Variants in KCNC2 observed in about 807,000 individuals in gnomAD.
KCNC2 encodes the protein potassium voltage-gated channel subfamily C member 2.
Under a neutral mutation model 44.5 loss-of-function variants are expected in KCNC2, and 21 were observed. The observed-to-expected ratio is 0.47, with a 90% confidence interval of 0.33 to 0.68. The LOEUF (loss-of-function observed/expected upper bound fraction) is 0.68, where lower values mean the gene tolerates loss of function less well. Among genes scored for constraint, KCNC2 ranks in the 30% least tolerant of loss-of-function variants. KCNC2 has a pLI of 0.01. For synonymous variants in KCNC2, 391 were observed against 339.1 expected (o/e 1.15, Z -1.68); for missense variants, 589 against 826.2 (o/e 0.71, Z 3.52).
At chr12:75,175,800 C>T (rs1034928694) in intron 2 of KCNC2, among the ~76,000 whole-genome samples, 5 of 152,010 alleles carry the variant, frequency 3.3e-5, no homozygotes, top group Admixed American at 2.6e-4. Context: ...GCAACCTATC[C>T]TAACTGAAAT....
chr12:75,057,158 G>A (rs1436111227), intron 2 of KCNC2, among the ~76,000 whole-genome samples: 1 of 151,938 alleles, frequency 6.6e-6, no homozygotes, highest in Non-Finnish European at 1.5e-5. Flanking sequence ...CCATTAAGTT[G>A]ATTTTATTAA....
chr12:75,067,968 T>C (rs1202073516), intron 2 of KCNC2, among the ~76,000 whole-genome samples: 1 of 152,194 alleles, frequency 6.6e-6, no homozygotes, highest in Non-Finnish European at 1.5e-5. Flanking sequence ...AAACTGCGTT[T>C]TTTGGAATGA....
intron 2 of KCNC2, among the ~76,000 whole-genome samples, chr12:75,055,493 A>C (rs1881643621): frequency 6.6e-6 from 1 of 152,086 alleles, no homozygotes; most frequent in Admixed American, 6.6e-5. Context: ...GATAAGACCA[A>C]AAACTCCTCC....
At chr12:75,071,067 C>T (rs554409880) in intron 2 of KCNC2, among the ~76,000 whole-genome samples, 2 of 152,054 alleles carry the variant, frequency 1.3e-5, no homozygotes, top group Non-Finnish European at 1.5e-5. Flanking sequence ...GCAGGATTGG[C>T]GTTGAAGCAT....
At chr12:75,070,888 A>T (rs1461803470) in intron 2 of KCNC2, among the ~76,000 whole-genome samples, 1 of 152,152 alleles carries the variant, frequency 6.6e-6, no homozygotes, top group Non-Finnish European at 1.5e-5. Context: ...TAGAAGAAAA[A>T]ATTGCACATT....
chr12:75,041,194 A>G lies in KCNC2; in HGVS notation c.*1911T>C, dbSNP rs1410709617. The G allele has an allele frequency of 6.3e-7, 1 of 1,595,964 alleles. No homozygotes were observed. Among genetic ancestry groups the G allele is most frequent in the Non-Finnish European group, 8.5e-7 (1 of 1,178,250 alleles). On this transcript the variant is annotated 3_prime_UTR_variant, in exon 5 of 5. Coordinates refer to ENST00000549446, the MANE Select transcript of KCNC2 (RefSeq NM_139137.4). Reference sequence around the variant, plus strand: ...CTCAGCAGTCAATAATCCATGATAAATTCTGTACAACACTGTAGTCAATAA... The same window carrying G: ...CTCAGCAGTCAATAATCCATGATAAGTTCTGTACAACACTGTAGTCAATAA...
Position 75,044,761 on chromosome 12 carries a change from T to C in KCNC2, c.1781-1520A>G, listed in dbSNP as rs908626617. On this transcript the variant is annotated intron_variant, in intron 4 of 4. Coordinates refer to ENST00000549446, the MANE Select transcript of KCNC2 (RefSeq NM_139137.4). ...GCAGACTAGTTGCTTTCTTAGAAAT[T>C]TTGTAGATAGAAATTTATGTCATCC... is the stretch of plus-strand genomic sequence containing the variant. The C allele has an allele frequency of 5.9e-5, 9 of 151,970 alleles. 1 individual carries two copies. Among genetic ancestry groups the C allele is most frequent in the Admixed American group, 5.3e-4 (8 of 15,196 alleles). The allele number at this position is 151,970 out of a possible 1,614,324, so 9.4% of individuals were successfully genotyped here. A position where few individuals can be genotyped will look rare whatever the true frequency, so the allele number is the denominator to read the frequency against.
At chr12:75,047,536 G>A (rs1032569032) in intron 4 of KCNC2, among the ~76,000 whole-genome samples, 1 of 151,918 alleles carries the variant, frequency 6.6e-6, no homozygotes, top group Non-Finnish European at 1.5e-5. Flanking sequence ...TTTTATTATT[G>A]GTCCTGAAGA....
chr12:75,166,610 A>G (rs1891471832), intron 2 of KCNC2, among the ~76,000 whole-genome samples: 1 of 151,342 alleles, frequency 6.6e-6, no homozygotes, highest in Non-Finnish European at 1.5e-5. Context: ...TATACAAACT[A>G]CATTCTGCGA....
chr12:75,163,083 T>G (rs923196994), intron 2 of KCNC2, among the ~76,000 whole-genome samples: 4 of 151,750 alleles, frequency 2.6e-5, no homozygotes, highest in African/African-American at 9.7e-5. Context: ...GAAGATGGCA[T>G]GCTCTATTTG....
At chr12:75,194,623 G>A (rs1374285270) in intron 2 of KCNC2, among the ~76,000 whole-genome samples, 1 of 152,178 alleles carries the variant, frequency 6.6e-6, no homozygotes, top group Non-Finnish European at 1.5e-5. Flanking sequence ...CTCAGAGAGA[G>A]AAATTAACTG....
chr12:75,100,483 T>C (rs1592868122), intron 2 of KCNC2, among the ~76,000 whole-genome samples: 1 of 151,984 alleles, frequency 6.6e-6, no homozygotes, highest in African/African-American at 2.4e-5. Flanking sequence ...AGGAAGAAAA[T>C]GTAATTTTCC....
intron 2 of KCNC2, among the ~76,000 whole-genome samples, chr12:75,193,683 T>C (rs1177009119): frequency 6.6e-6 from 1 of 152,108 alleles, no homozygotes; most frequent in Non-Finnish European, 1.5e-5. Flanking sequence ...CCATATTGAT[T>C]GAAATGCTCT....
In KCNC2 at chr12:75,058,591, C is replaced by A. The variant is rs1452169802; in HGVS notation, c.688-7274G>T. ...ACACCTGCTGAAGAGATGTTCTGAT[C>A]CAGAAAAGTCTGTTTCTTTTAGCAC... On this transcript the variant is annotated intron_variant, in intron 2 of 4. Transcript: ENST00000549446. Among the ~76,000 whole-genome samples the A allele has an allele frequency of 4.6e-5, 7 of 152,122 alleles. No individual in the cohort carries two copies. The East Asian group carries it at 1.4e-3, about 29-fold the overall frequency.
chr12:75,040,936 G>T lies in KCNC2; in HGVS notation c.*2169C>A. The T allele has an allele frequency of 1.7e-6, 1 of 602,934 alleles. No homozygotes were observed. The highest frequency in any genetic ancestry group is 3.0e-6 in the Non-Finnish European group (1 of 337,888). The allele number at this position is 602,934 out of a possible 1,614,324, so 37.3% of individuals were successfully genotyped here. A position where few individuals can be genotyped will look rare whatever the true frequency, so the allele number is the denominator to read the frequency against. ...GAAATGGCCAAGACTGTTGACCCAT[G>T]CACACATGTTGGTATTTACAGTTGT... On this transcript the variant is annotated 3_prime_UTR_variant, in exon 5 of 5. Transcript: ENST00000549446.
At position 75,075,478 on chromosome 12, in the gene KCNC2, TATATACAC is replaced by T. The variant is rs1483951933; in HGVS notation, c.688-24169_688-24162del. ...ATATACATATATATATATATATATATATATACACATATATATATATAAATAACATTGCT... is the reference window on the plus strand; with the variant it reads ...ATATACATATATATATATATATATATATATATATATATAAATAACATTGCT... On this transcript the variant is annotated intron_variant, in intron 2 of 4. Transcript: ENST00000549446. Among the ~76,000 whole-genome samples the T allele has an allele frequency of 8.2e-4, 86 of 105,302 alleles. 1 individual carries two copies. The East Asian group carries it at 0.011, about 13-fold the overall frequency. The allele number at this position is 105,302 out of a possible 152,430, so 69.1% of individuals were successfully genotyped here.
At chr12:75,162,566 C>T (rs74110439) in intron 2 of KCNC2, among the ~76,000 whole-genome samples, 6,472 of 151,804 alleles carry the variant, frequency 0.043, 160 homozygotes, top group East Asian at 0.097. Flanking sequence ...TTTGGACCAT[C>T]ATGACATCCT....
chr12:75,182,231 A>T (rs1332342018), intron 2 of KCNC2, among the ~76,000 whole-genome samples: 7 of 151,760 alleles, frequency 4.6e-5, no homozygotes, highest in Non-Finnish European at 1.0e-4. Context: ...GTCACTTAGA[A>T]AGCACTGACT....
At chr12:75,156,201 C>T (rs926101905) in intron 2 of KCNC2, among the ~76,000 whole-genome samples, 1 of 151,640 alleles carries the variant, frequency 6.6e-6, no homozygotes, top group Non-Finnish European at 1.5e-5. Context: ...GGACATAGAG[C>T]AGGAGTCAGC....
Sources: gnomAD v4.1 joint callset for allele counts (sites outside exome capture counted in the v4.1 genomes callset) on GRCh38, gnomAD v4.1.1 for gene constraint, MANE v1.5 for transcripts, NCBI Gene and HGNC (gene_info 2026-07-23, HGNC 2026-07-21) for gene names.